CFAP299: variants seen among roughly 807,000 people sequenced by gnomAD.
CFAP299 encodes cilia and flagella associated protein 299, also known as cilia- and flagella-associated protein 299.
CFAP299 carries 21 observed loss-of-function variants against 27.0 expected under a neutral mutation model. The observed-to-expected ratio is 0.78, with a 90% CI of 0.55 to 1.12. CFAP299 has a LOEUF of 1.12. Ranked by LOEUF, CFAP299 falls within the 50% of genes most tolerant of loss-of-function variation. The pLI, the probability that CFAP299 is intolerant of heterozygous loss-of-function variation, is 0.00. For synonymous variants in CFAP299, 104 were observed against 98.1 expected (o/e 1.06, Z -0.36); for missense variants, 310 against 276.6 (o/e 1.12, Z -0.86).
At chr4:80,457,347 T>C (rs890491803) in intron 2 of CFAP299, among the ~76,000 whole-genome samples, 9 of 152,260 alleles carry the variant, frequency 5.9e-5, no homozygotes, top group Admixed American at 3.9e-4. Context: ...GTAATTTCCT[T>C]AAGTGGGGAA....
chr4:80,673,504 G>T lies in CFAP299; in HGVS notation c.333+90321G>T, dbSNP rs939370625. Among the ~76,000 whole-genome samples, 3 of 151,922 alleles carry T rather than the reference G, an allele frequency of 2.0e-5. No individual in the cohort carries two copies. The South Asian group carries it at 6.2e-4, about 31-fold the overall frequency. On this transcript the variant is annotated intron_variant, in intron 3 of 5. Coordinates refer to ENST00000358105, the MANE Select transcript of CFAP299 (RefSeq NM_152770.3). ...ATATTCTGTTGATTTGAGGTGGAGA[G>T]TTCTGTAGGTGTCTATTAGGTCTGC...
chr4:80,869,297 A>G (rs933557572), intron 3 of CFAP299, among the ~76,000 whole-genome samples: 1 of 152,154 alleles, frequency 6.6e-6, no homozygotes, highest in African/African-American at 2.4e-5. Context: ...TTCTCCTGCC[A>G]TATCTGTAGG....
intron 2 of CFAP299, among the ~76,000 whole-genome samples, chr4:80,467,640 G>A (rs1729772905): frequency 6.6e-6 from 1 of 152,188 alleles, no homozygotes; most frequent in Admixed American, 6.5e-5. Flanking sequence ...TATGGAATAT[G>A]TAATATAAAT....
In CFAP299 at chr4:80,799,923, T is replaced by TA. The variant is rs1553893204; in HGVS notation, c.334-70069dup. Reference sequence around the variant, plus strand: ...ATATTATAATATAATATATAATATATATATTTATATATTATATTATATAAA... The same window carrying TA: ...ATATTATAATATAATATATAATATATAATATTTATATATTATATTATATAAA... On this transcript the variant is annotated intron_variant, in intron 3 of 5. Coordinates refer to ENST00000358105, the MANE Select transcript of CFAP299 (RefSeq NM_152770.3). Among the ~76,000 whole-genome samples the TA allele has an allele frequency of 1.9e-3, 90 of 46,256 alleles. 2 individuals are homozygous for TA. Among genetic ancestry groups the TA allele is most frequent in the African/African-American group, 8.7e-3 (89 of 10,244 alleles). The allele number at this position is 46,256 out of a possible 152,430, so 30.3% of individuals were successfully genotyped here.
At chr4:80,505,490 G>T (rs898429155) in intron 2 of CFAP299, among the ~76,000 whole-genome samples, 6 of 73,346 alleles carry the variant, frequency 8.2e-5, no homozygotes, top group Non-Finnish European at 1.2e-4. Context: ...CTGAAAAAAG[G>T]ACTATTGTAG....
chr4:80,900,562 A>C (rs1025865361), intron 4 of CFAP299, among the ~76,000 whole-genome samples: 1 of 152,110 alleles, frequency 6.6e-6, no homozygotes. Flanking sequence ...ACTGTATTTT[A>C]ATCTGTTGTA....
chr4:80,662,579 G>T (rs1157518838), intron 3 of CFAP299, among the ~76,000 whole-genome samples: 2 of 152,128 alleles, frequency 1.3e-5, no homozygotes, highest in Admixed American at 6.6e-5. Flanking sequence ...CTTAATTTGG[G>T]GGTTCTATAG....
intron 2 of CFAP299, among the ~76,000 whole-genome samples, chr4:80,571,456 T>C (rs557856086): frequency 6.6e-6 from 1 of 151,978 alleles, no homozygotes; most frequent in South Asian, 2.1e-4. Flanking sequence ...GCTCACATGA[T>C]GAAAAAAACT....
chr4:80,540,304 A>G (rs879490616), intron 2 of CFAP299, among the ~76,000 whole-genome samples: 8 of 152,232 alleles, frequency 5.3e-5, no homozygotes, highest in African/African-American at 9.6e-5. Flanking sequence ...CAGGCAATAG[A>G]TGAAAATATT....
chr4:80,584,902 G>A (rs996149218), intron 3 of CFAP299, among the ~76,000 whole-genome samples: 1 of 151,944 alleles, frequency 6.6e-6, no homozygotes, highest in Non-Finnish European at 1.5e-5. Flanking sequence ...GGCAGAAAAT[G>A]AATAATCAAA....
intron 3 of CFAP299, among the ~76,000 whole-genome samples, chr4:80,607,178 G>A (rs1015631512): frequency 6.6e-6 from 1 of 152,024 alleles, no homozygotes; most frequent in African/African-American, 2.4e-5. Context: ...GGCAGCTGGA[G>A]TATTACTTTC....
chr4:80,838,329 T>A (rs749977834), intron 3 of CFAP299, among the ~76,000 whole-genome samples: 1 of 152,234 alleles, frequency 6.6e-6, no homozygotes, highest in Non-Finnish European at 1.5e-5. Flanking sequence ...AGTCATGTAA[T>A]CTTTGCCCAT....
intron 3 of CFAP299, among the ~76,000 whole-genome samples, chr4:80,676,090 G>C (rs941087295): frequency 6.6e-6 from 1 of 152,178 alleles, no homozygotes; most frequent in Non-Finnish European, 1.5e-5. Context: ...TACCTCAGTT[G>C]GAAATGCAGA....
At chr4:80,891,885 T>C (rs1734324778) in intron 4 of CFAP299, among the ~76,000 whole-genome samples, 1 of 139,022 alleles carries the variant, frequency 7.2e-6, no homozygotes, top group Non-Finnish European at 1.5e-5. Flanking sequence ...GGAAAAATAT[T>C]TTATGTTCAT....
chr4:80,415,529 T>C (rs992214289), intron 2 of CFAP299, among the ~76,000 whole-genome samples: 3 of 152,142 alleles, frequency 2.0e-5, no homozygotes, highest in Non-Finnish European at 4.4e-5. Context: ...TAACTGGTAG[T>C]TTATATAATT....
At chr4:80,681,745 T>A (rs950791812) in intron 3 of CFAP299, among the ~76,000 whole-genome samples, 2 of 152,226 alleles carry the variant, frequency 1.3e-5, no homozygotes, top group African/African-American at 4.8e-5. Flanking sequence ...ATGCATAATG[T>A]GATCCTGAGC....
intron 4 of CFAP299, among the ~76,000 whole-genome samples, chr4:80,893,386 A>G (rs1002878834): frequency 1.1e-4 from 16 of 151,970 alleles, no homozygotes; most frequent in African/African-American, 3.9e-4. Flanking sequence ...TAAAATTCAT[A>G]CAGAACTATG....
At chr4:80,760,349 G>A (rs1253821275) in intron 3 of CFAP299, among the ~76,000 whole-genome samples, 1 of 152,130 alleles carries the variant, frequency 6.6e-6, no homozygotes, top group Non-Finnish European at 1.5e-5. Context: ...ATTGGTGCCT[G>A]GAAGGAAGAA....
At chr4:80,566,774 G>A (rs1407136546) in intron 2 of CFAP299, among the ~76,000 whole-genome samples, 2 of 152,058 alleles carry the variant, frequency 1.3e-5, no homozygotes, top group African/African-American at 4.8e-5. Context: ...GATAAAAGAT[G>A]TAGCTGCCTC....
Sources: gnomAD v4.1 joint callset for allele counts (sites outside exome capture counted in the v4.1 genomes callset) on GRCh38, gnomAD v4.1.1 for gene constraint, MANE v1.5 for transcripts, NCBI Gene and HGNC (gene_info 2026-07-23, HGNC 2026-07-21) for gene names.